The following LSG1 variants were observed in gnomAD, a reference collection of about 807,000 sequenced individuals.
LSG1 encodes the protein large 60S subunit nuclear export GTPase 1, also known as large subunit GTPase 1 homolog.
LSG1 carries 55 observed loss-of-function variants against 82.6 expected under a neutral mutation model. That is an observed-to-expected ratio of 0.67 (90% confidence interval 0.54 to 0.83). The LOEUF (loss-of-function observed/expected upper bound fraction) is 0.83, where lower values mean the gene tolerates loss of function less well. Among genes scored for constraint, LSG1 ranks in the 40% least tolerant of loss-of-function variants. The pLI is 0.00. For synonymous variants in LSG1, 272 were observed against 282.5 expected (o/e 0.96, Z 0.37); for missense variants, 809 against 807.9 (o/e 1.00, Z -0.02).
At chr3:194,645,539 C>CAG (rs1718516149) in intron 12 of LSG1, 2 of 32,386 alleles carry the variant, frequency 6.2e-5, no homozygotes, top group African/African-American at 2.1e-4. Flanking sequence ...CAGACAGACA[C>CAG]ACACACACAC....
In LSG1 at chr3:194,652,804, C is replaced by T. The variant is rs1281946631; in HGVS notation, c.1098G>A (p.Lys366=). 1.2e-6 allele frequency: 2 copies of T among 1,614,076 alleles called. No individual in the cohort carries two copies. The highest frequency in any genetic ancestry group is 1.3e-5 in the African/African-American group (1 of 74,924). ...QIHNFSHLVS[K]QELLELFKEL... Reference sequence around the variant, plus strand: ...CCTTAAAGAGCTCCAGTAACTCCTGCTTGGATACCAGATGGCTAAAATTGT... The same window carrying T: ...CCTTAAAGAGCTCCAGTAACTCCTGTTTGGATACCAGATGGCTAAAATTGT... The change falls in exon 8 of 14, where the codon AAG becomes AAA. Residue 366 remains lysine (K), a synonymous_variant. Transcript: ENST00000265245.
At chr3:194,663,274 C>T (rs1176057708) in intron 5 of LSG1, among the ~76,000 whole-genome samples, 1 of 152,182 alleles carries the variant, frequency 6.6e-6, no homozygotes, top group Non-Finnish European at 1.5e-5. Context: ...CCCCAGTTCC[C>T]CAGGAGAATG....
chr3:194,658,148 GTTATTA>G (rs893004992), intron 7 of LSG1, among the ~76,000 whole-genome samples: 246 of 152,134 alleles, frequency 1.6e-3, no homozygotes, highest in Non-Finnish European at 2.0e-3. Flanking sequence ...CATAGCTGTT[GTTATTA>G]TTATTATTTT....
Position 194,641,913 on chromosome 3 carries a change from G to C in LSG1, c.*155C>G. The C allele has an allele frequency of 1.4e-6, 1 of 696,402 alleles. No homozygotes were observed. Among genetic ancestry groups the C allele is most frequent in the Non-Finnish European group, 2.3e-6 (1 of 435,948 alleles). The allele number at this position is 696,402 out of a possible 1,614,324, so 43.1% of individuals were successfully genotyped here. A position where few individuals can be genotyped will look rare whatever the true frequency, so the allele number is the denominator to read the frequency against. ...GAGTTGGTGTTTCCAGGAGGCCCTTGGTCTTGACATGGAGACTGTTGGGTG... is the reference window on the plus strand; with the variant it reads ...GAGTTGGTGTTTCCAGGAGGCCCTTCGTCTTGACATGGAGACTGTTGGGTG... On this transcript the variant is annotated 3_prime_UTR_variant, in exon 14 of 14. Coordinates refer to ENST00000265245, the MANE Select transcript of LSG1 (RefSeq NM_018385.3).
At position 194,641,241 on chromosome 3, in the gene LSG1, T is replaced by C. The variant is rs1410754522; in HGVS notation, c.*827A>G. ...GTGTGTAATTCAATGGTCTTAAGCA[T>C]ATTCAGAGTTGTGTGACCATCGCTA... On this transcript the variant is annotated 3_prime_UTR_variant, in exon 14 of 14. Coordinates refer to ENST00000265245, the MANE Select transcript of LSG1 (RefSeq NM_018385.3). The C allele has an allele frequency of 6.6e-6, 1 of 152,206 alleles. No homozygotes were observed. Among genetic ancestry groups the C allele is most frequent in the Non-Finnish European group, 1.5e-5 (1 of 68,038 alleles). The allele number at this position is 152,206 out of a possible 1,614,324, so 9.4% of individuals were successfully genotyped here. A position where few individuals can be genotyped will look rare whatever the true frequency, so the allele number is the denominator to read the frequency against.
chr3:194,665,504 G>T, intron 5 of LSG1, 53 bp downstream of exon 5: 1 of 1,346,580 alleles, frequency 7.4e-7, no homozygotes, highest in Non-Finnish European at 1.1e-6. Flanking sequence ...CAGCCAAATC[G>T]AATATAACTT....
chr3:194,654,818 A>T (rs140857160), intron 7 of LSG1, among the ~76,000 whole-genome samples: 3 of 152,300 alleles, frequency 2.0e-5, no homozygotes, highest in Non-Finnish European at 4.4e-5. Context: ...CTTTCGGGGA[A>T]CACAGTGCAC....
Position 194,651,098 on chromosome 3 carries a change from A to G in LSG1, c.1275+17T>C, listed in dbSNP as rs376821978. On this transcript the variant is annotated intron_variant, in intron 9 of 13. Transcript: ENST00000265245. ...AAGAAAGAGCTGCATGCAAGTGGCA[A>G]AGCACCACAGAAATACCTGAAAGTG... 2.1e-5 allele frequency: 34 copies of G among 1,613,926 alleles called. No homozygotes were observed. The highest frequency in any genetic ancestry group is 2.9e-5 in the Non-Finnish European group (34 of 1,179,886).
chr3:194,660,969 C>T (rs1166436253), intron 5 of LSG1: 7 of 451,276 alleles, frequency 1.6e-5, no homozygotes, highest in African/African-American at 4.0e-5. Context: ...AAAGGCCCAC[C>T]GTGACTGCCG....
intron 2 of LSG1, among the ~76,000 whole-genome samples, chr3:194,669,118 A>G (rs1344513334): frequency 6.6e-6 from 1 of 152,224 alleles, no homozygotes; most frequent in Non-Finnish European, 1.5e-5. Context: ...GGTCTAATGT[A>G]CAGCCTGGTG....
intron 11 of LSG1, among the ~76,000 whole-genome samples, chr3:194,647,139 T>A (rs1227923163): frequency 1.3e-5 from 2 of 152,166 alleles, no homozygotes; most frequent in Non-Finnish European, 2.9e-5. Flanking sequence ...TTTCGTCAGA[T>A]TAAAAATCTA....
intron 6 of LSG1, among the ~76,000 whole-genome samples, 153 bp from the exon 7 acceptor site, chr3:194,659,286 C>T (rs1272435683): frequency 6.6e-6 from 1 of 152,156 alleles, no homozygotes; most frequent in Non-Finnish European, 1.5e-5. Context: ...TTATACTAAT[C>T]CTTTCAGTAA....
intron 8 of LSG1, chr3:194,651,504 T>C: frequency 2.6e-6 from 1 of 386,252 alleles, no homozygotes; most frequent in Non-Finnish European, 4.7e-6. Context: ...TTCCCAGCCT[T>C]CCCTCACTGC....
rs776813848 is a variant in LSG1 at position 194,666,453 on chromosome 3, T to C, written c.346A>G (p.Arg116Gly). Reference protein sequence around the residue: ...ENKQFLCIPRRPNWNQNTTPE... With the variant: ...ENKQFLCIPRGPNWNQNTTPE... ...ATTCTAAATTCTTCTTCAGCTCACC[T>C]CCTCGGTATACACAAGAACTGTTTG... The change falls in exon 3 of 14, where the codon AGA (arginine) becomes GGA (glycine). Residue 116 changes from arginine (R) to glycine (G), a missense_variant and splice_region_variant. Coordinates refer to ENST00000265245, the MANE Select transcript of LSG1 (RefSeq NM_018385.3). The C allele has an allele frequency of 6.2e-7, 1 of 1,612,726 alleles. No individual in the cohort carries two copies. The highest frequency in any genetic ancestry group is 8.5e-7 in the Non-Finnish European group (1 of 1,179,678).
In LSG1 at chr3:194,652,938, A is replaced by G; in HGVS notation, c.964T>C (p.Ser322Pro). The G allele has an allele frequency of 1.9e-6, 3 of 1,614,046 alleles. No individual in the cohort carries two copies. Among genetic ancestry groups the G allele is most frequent in the Non-Finnish European group, 2.5e-6 (3 of 1,180,012 alleles). The change falls in exon 8 of 14, where the codon TCA becomes CCA. Residue 322 changes from serine (S) to proline (P), a missense_variant. Coordinates refer to ENST00000265245, the MANE Select transcript of LSG1 (RefSeq NM_018385.3). ...EEEEDDWQTC[S>P]EEDGPKEEDC... ...TCTTCCTTGGGACCGTCTTCTTCTG[A>G]GCACGTCTGCCAGTCGTCTTCCTCC...
rs149392795 is a variant in LSG1 at position 194,657,789 on chromosome 3, A to G, written c.759+1168T>C. Among the ~76,000 whole-genome samples, 5 of 152,284 alleles carry G rather than the reference A, an allele frequency of 3.3e-5. No individual in the cohort carries two copies. The East Asian group carries it at 9.6e-4, about 29-fold the overall frequency. On this transcript the variant is annotated intron_variant, in intron 7 of 13. Coordinates refer to ENST00000265245, the MANE Select transcript of LSG1 (RefSeq NM_018385.3). ...AACCGAAGGGACAAAGAGTCCTCAG[A>G]TCAAAGGGTAGGGTGGCTGACTTCG...
In LSG1 at chr3:194,659,086, C is replaced by T. The variant is rs751500147; in HGVS notation, c.630G>A (p.Leu210=). ...EMDANKENVI[L]INKADLLTAE... is the part of the protein sequence containing the mutation. Reference sequence around the variant, plus strand: ...CAGTCAGCAAGTCTGCCTTGTTGATCAGAATGACGTTCTCCTTATTGGCAT... The same window carrying T: ...CAGTCAGCAAGTCTGCCTTGTTGATTAGAATGACGTTCTCCTTATTGGCAT... Residue 210 remains leucine (L), a synonymous_variant, in exon 7 of 14, where the codon CTG becomes CTA. Transcript: ENST00000265245. The T allele has an allele frequency of 8.7e-6, 14 of 1,614,032 alleles. No homozygotes were observed. The African/African-American group carries it at 1.7e-4, about 20-fold the overall frequency.
At chr3:194,666,981 C>T (rs1462348154) in intron 2 of LSG1, among the ~76,000 whole-genome samples, 2 of 152,116 alleles carry the variant, frequency 1.3e-5, no homozygotes, top group Non-Finnish European at 1.5e-5. Context: ...AAGAGTTCTC[C>T]GGGCAATTCT....
rs144371439 is a variant in LSG1, at chr3:194,642,125, A to T, written c.1920T>A (p.His640Gln). Residue 640 changes from histidine to glutamine, a missense_variant, in exon 14 of 14, where the codon CAT becomes CAA. His to Gln is a conservative substitution (Grantham distance 24, BLOSUM62 0). Coordinates refer to ENST00000265245, the MANE Select transcript of LSG1 (RefSeq NM_018385.3). ...ENGAGKPWKKHGNRNKKEKSR... is the reference protein window; with the variant it reads ...ENGAGKPWKKQGNRNKKEKSR... ...TTTTTTCTTTTTTATTTCTGTTGCC[A>T]TGTTTTTTCCAGGGCTTCCCCGCCC... The T allele has an allele frequency of 1.9e-6, 3 of 1,613,514 alleles. No individual in the cohort carries two copies. The African/African-American group carries it at 4.0e-5, about 22-fold the overall frequency.
Sources: gnomAD v4.1 joint callset for allele counts (sites outside exome capture counted in the v4.1 genomes callset) on GRCh38, gnomAD v4.1.1 for gene constraint, MANE v1.5 for transcripts, NCBI Gene and HGNC (gene_info 2026-07-23, HGNC 2026-07-21) for gene names.